The following HLCS variants were observed in gnomAD, a reference collection of about 807,000 sequenced individuals.
HLCS encodes biotin--protein ligase.
Under a neutral mutation model 75.0 loss-of-function variants are expected in HLCS, and 53 were observed. The observed-to-expected ratio is 0.71, with a 90% confidence interval of 0.57 to 0.89. The LOEUF (loss-of-function observed/expected upper bound fraction) is 0.89, where lower values mean the gene tolerates loss of function less well. Among genes scored for constraint, HLCS ranks in the 40% least tolerant of loss-of-function variants. The pLI, the probability that HLCS is intolerant of heterozygous loss-of-function variation, is 0.00. For synonymous variants in HLCS, 431 were observed against 428.6 expected (o/e 1.01, Z -0.07); for missense variants, 966 against 1,074.0 (o/e 0.90, Z 1.41).
chr21:36,800,548 T>C (rs937811479), intron 6 of HLCS, among the ~76,000 whole-genome samples: 1 of 152,122 alleles, frequency 6.6e-6, no homozygotes, highest in African/African-American at 2.4e-5. Context: ...ATTAACCCCG[T>C]TGTACCAGTG....
At chr21:36,900,789 C>T (rs1420423736) in intron 5 of HLCS, among the ~76,000 whole-genome samples, 1 of 152,172 alleles carries the variant, frequency 6.6e-6, no homozygotes, top group Non-Finnish European at 1.5e-5. Flanking sequence ...ACAAGATTTG[C>T]TAACAAGTCA....
At chr21:36,771,873 C>T (rs914077260) in intron 6 of HLCS, among the ~76,000 whole-genome samples, 2 of 151,920 alleles carry the variant, frequency 1.3e-5, no homozygotes, top group African/African-American at 4.8e-5. Flanking sequence ...GTGGCGGGTG[C>T]CTGTAATCCC....
intron 6 of HLCS, among the ~76,000 whole-genome samples, chr21:36,891,201 G>A (rs1269672214): frequency 6.6e-6 from 1 of 152,166 alleles, no homozygotes; most frequent in Non-Finnish European, 1.5e-5. Flanking sequence ...ACTGGCTCAA[G>A]TAAGAACATA....
intron 3 of HLCS, 132 bp from the exon 4 acceptor site, chr21:36,937,524 T>TC: frequency 1.2e-6 from 1 of 821,066 alleles, no homozygotes; most frequent in Non-Finnish European, 2.0e-6. Context: ...CTGGCACGGC[T>TC]CCCACCTGCA....
intron 6 of HLCS, among the ~76,000 whole-genome samples, chr21:36,839,952 G>C (rs2146090769): frequency 6.6e-6 from 1 of 152,352 alleles, no homozygotes; most frequent in East Asian, 1.9e-4. Flanking sequence ...TGGCCTACTT[G>C]TAATTTGTTA....
chr21:36,771,805 CTGG>C (rs1016989326), intron 6 of HLCS, among the ~76,000 whole-genome samples: 13 of 152,204 alleles, frequency 8.5e-5, no homozygotes, highest in African/African-American at 3.1e-4. Flanking sequence ...TCGGGACCAG[CTGG>C]CCAACATGGT....
rs748447457 is a variant in HLCS at position 36,756,621 on chromosome 21, G to C, written c.2371C>G (p.Leu791Val). The C allele has an allele frequency of 1.9e-6, 3 of 1,614,056 alleles. No homozygotes were observed. Among genetic ancestry groups the C allele is most frequent in the African/African-American group, 1.3e-5 (1 of 74,894 alleles). ...TGAAACTCTTTGATCAGTTTCTCCA[G>C]CACAGTCACGACTCTGGCGATGAGA... ...DYLIARVVTV[L>V]EKLIKEFQDK... The change falls in exon 10 of 11, where the codon CTG becomes GTG. Residue 791 changes from leucine (L) to valine (V), a missense_variant. Transcript: ENST00000674895.
chr21:36,814,210 C>A (rs993527446), intron 6 of HLCS, among the ~76,000 whole-genome samples: 1 of 152,196 alleles, frequency 6.6e-6, no homozygotes, highest in Non-Finnish European at 1.5e-5. Flanking sequence ...AACCCCCAAT[C>A]CCACCCCTTT....
At chr21:36,816,083 C>T (rs568277821) in intron 6 of HLCS, among the ~76,000 whole-genome samples, 4 of 152,188 alleles carry the variant, frequency 2.6e-5, no homozygotes, top group African/African-American at 7.2e-5. Flanking sequence ...GCTAAGAGTA[C>T]CAGAGTCAGA....
At chr21:36,762,774 C>T (rs1036615247) in intron 8 of HLCS, among the ~76,000 whole-genome samples, 1 of 152,230 alleles carries the variant, frequency 6.6e-6, no homozygotes, top group Non-Finnish European at 1.5e-5. Context: ...CCCCCGACCC[C>T]GTTCACCGCT....
rs76624811 is a variant in HLCS, at chr21:36,956,456, T to C, written c.330+5580A>G. ...GATATTTGAGTTTGTAGGCCAGGTG[T>C]GGTGGCTCACACTTGTAATCCCAGC... is the stretch of plus-strand genomic sequence containing the variant. On this transcript the variant is annotated intron_variant, in intron 2 of 10. Transcript: ENST00000674895. Among the ~76,000 whole-genome samples, 1,402 of 152,300 alleles carry C rather than the reference T, an allele frequency of 9.2e-3. 28 individuals are homozygous for C. Among genetic ancestry groups the C allele is most frequent in the African/African-American group, 0.029 (1,226 of 41,562 alleles).
chr21:36,925,089 G>T (rs1334070850), intron 5 of HLCS, among the ~76,000 whole-genome samples: 1 of 152,070 alleles, frequency 6.6e-6, no homozygotes, highest in South Asian at 2.1e-4. Context: ...TTTTATGGGG[G>T]GAAAAAGTTT....
chr21:36,933,551 CAAAAAAAAAAAAAAAAA>C (rs66614497), intron 4 of HLCS, among the ~76,000 whole-genome samples: 1 of 84,072 alleles, frequency 1.2e-5, no homozygotes, highest in South Asian at 4.6e-4. Context: ...AACTCCGTCT[CAAAAAAAAAAAAAAAAA>C]AAAACAATCT....
chr21:36,868,218 AAAG>A (rs2063630289), intron 6 of HLCS, among the ~76,000 whole-genome samples: 1 of 150,428 alleles, frequency 6.6e-6, no homozygotes, highest in Non-Finnish European at 1.5e-5. Flanking sequence ...GGAAGGGAAA[AAAG>A]AGAGAGAAAG....
intron 4 of HLCS, among the ~76,000 whole-genome samples, chr21:36,932,715 G>A (rs1337466324): frequency 6.6e-6 from 1 of 152,202 alleles, no homozygotes; most frequent in Non-Finnish European, 1.5e-5. Context: ...CTTCTAGCCT[G>A]ATATTATAGA....
intron 6 of HLCS, among the ~76,000 whole-genome samples, chr21:36,826,583 C>G (rs2062015488): frequency 6.6e-6 from 1 of 152,202 alleles, no homozygotes; most frequent in Admixed American, 6.5e-5. Flanking sequence ...AGAACTGCTA[C>G]AAGGCCCACC....
Position 36,947,741 on chromosome 21 carries a change from C to CG in HLCS, c.331-8748dup, listed in dbSNP as rs149344751. 0.023 allele frequency: 22,556 copies of CG among 985,406 alleles called. 272 individuals are homozygous for CG. The highest frequency in any genetic ancestry group is 0.027 in the Admixed American group (441 of 16,280). 61.0% of individuals were successfully genotyped at this position (985,406 alleles called of 1,614,324 possible). A position where few individuals can be genotyped will look rare whatever the true frequency, so the allele number is the denominator to read the frequency against. ...TAAAACTCACATCCAAGAAGCAGTC[C>CG]GGGAGTGAAAGACCCCAGGTTAAAC... On this transcript the variant is annotated intron_variant, in intron 2 of 10. Coordinates refer to ENST00000674895, the MANE Select transcript of HLCS (RefSeq NM_001352514.2).
At chr21:36,969,138 T>C (rs149297042), upstream of HLCS, among the ~76,000 whole-genome samples, 646 of 152,208 alleles carry the variant, frequency 4.2e-3, 1 homozygote, top group African/African-American at 0.014. Flanking sequence ...AAGGGCACAG[T>C]GAGAAGTGAA....
At chr21:36,890,663 G>A (rs895597623) in intron 6 of HLCS, among the ~76,000 whole-genome samples, 1 of 152,100 alleles carries the variant, frequency 6.6e-6, no homozygotes, top group Non-Finnish European at 1.5e-5. Context: ...CTCTACACCA[G>A]TACCATGGTA....
Sources: allele counts gnomAD v4.1 joint callset (sites outside exome capture counted in the v4.1 genomes callset), GRCh38; gene constraint gnomAD v4.1.1; transcripts MANE v1.5; gene names NCBI Gene and HGNC (gene_info 2026-07-23, HGNC 2026-07-21).